The following CUX2 variants were observed in gnomAD, a reference collection of about 807,000 sequenced individuals.
CUX2 encodes homeobox protein cut-like 2.
Under a neutral mutation model 144.8 loss-of-function variants are expected in CUX2, and 40 were observed. The observed-to-expected ratio is 0.28, with a 90% CI of 0.21 to 0.36. CUX2 has a LOEUF of 0.36. Among genes scored for constraint, CUX2 ranks in the 10% least tolerant of loss-of-function variants. The pLI is 1.00. For missense variants in CUX2, 1,615 were observed against 1,994.0 expected (o/e 0.81, Z 3.62); for synonymous variants, 827 against 875.6 (o/e 0.94, Z 0.98).
chr12:111,330,931 A>G (rs1478005764), intron 18 of CUX2, among the ~76,000 whole-genome samples: 3 of 151,044 alleles, frequency 2.0e-5, no homozygotes, highest in African/African-American at 4.9e-5. Context: ...AGACCCCAAA[A>G]GTCTAATAGA....
chr12:111,304,614 A>G lies in CUX2; in HGVS notation c.858+300A>G, dbSNP rs747130838. ...CCTTTGGAGGCCTCCCTTATCCCCAATTATCCAAGAATGCCAGGAACTTCC... is the reference window on the plus strand; with the variant it reads ...CCTTTGGAGGCCTCCCTTATCCCCAGTTATCCAAGAATGCCAGGAACTTCC... On this transcript the variant is annotated intron_variant, in intron 10 of 21. Transcript: ENST00000261726. This position sits in a 1 kb window ranked among gnomAD's most constrained non-coding sequence, Gnocchi z 4.7. Among the ~76,000 whole-genome samples, 3 of 152,116 alleles carry G rather than the reference A, an allele frequency of 2.0e-5. No individual in the cohort carries two copies. Among genetic ancestry groups the G allele is most frequent in the South Asian group, 2.1e-4 (1 of 4,826 alleles).
At chr12:111,073,606 C>G (rs1403190130) in intron 1 of CUX2, among the ~76,000 whole-genome samples, 1 of 152,076 alleles carries the variant, frequency 6.6e-6, no homozygotes, top group Admixed American at 6.5e-5. Context: ...GGATGCTTAG[C>G]AGCATCTCTG....
rs1870583036 is a variant in CUX2, at chr12:111,057,529, T to G, written c.63+23289T>G. ...AGGGCCTCAGGGTGACCAGGCCGAT[T>G]CCAACGTGGGGACCCAGACCTCCTT... On this transcript the variant is annotated intron_variant, in intron 1 of 21. Coordinates refer to ENST00000261726, the MANE Select transcript of CUX2 (RefSeq NM_015267.4). This position sits in a 1 kb window ranked among gnomAD's most constrained non-coding sequence, Gnocchi z 5.1. Among the ~76,000 whole-genome samples the G allele has an allele frequency of 6.6e-6, 1 of 152,070 alleles. No individual in the cohort carries two copies.
intron 18 of CUX2, among the ~76,000 whole-genome samples, chr12:111,328,179 C>A (rs1887906323): frequency 6.6e-6 from 1 of 152,162 alleles, no homozygotes; most frequent in Admixed American, 6.5e-5. Flanking sequence ...TCATAACCCA[C>A]TGGGCCTGGA....
intron 4 of CUX2, among the ~76,000 whole-genome samples, chr12:111,273,795 G>A (rs535371450): frequency 2.0e-5 from 3 of 152,200 alleles, no homozygotes; most frequent in East Asian, 1.9e-4. Flanking sequence ...TGACTTCTCC[G>A]AGCCTCAGTT....
chr12:111,166,029 T>G (rs1330888520), intron 1 of CUX2, among the ~76,000 whole-genome samples: 1 of 152,184 alleles, frequency 6.6e-6, no homozygotes, highest in Non-Finnish European at 1.5e-5. Flanking sequence ...TTGTTGTTGT[T>G]GTTTTTATAG....
intron 1 of CUX2, among the ~76,000 whole-genome samples, chr12:111,162,411 G>A (rs1877836006): frequency 6.6e-6 from 1 of 152,246 alleles, no homozygotes; most frequent in South Asian, 2.1e-4. Context: ...GCCTGTGCAT[G>A]GAGCCCTGGT....
At chr12:111,150,593 A>G (rs1876977123) in intron 1 of CUX2, among the ~76,000 whole-genome samples, 1 of 152,192 alleles carries the variant, frequency 6.6e-6, no homozygotes, top group African/African-American at 2.4e-5. Flanking sequence ...AGGGAAGGGA[A>G]TAAGGAGCCT....
intron 3 of CUX2, among the ~76,000 whole-genome samples, chr12:111,235,187 C>T (rs1882677302): frequency 1.3e-5 from 2 of 152,124 alleles, no homozygotes; most frequent in Non-Finnish European, 1.5e-5. Flanking sequence ...ATTTAGTGAG[C>T]AGTGCTGGGA....
chr12:111,315,343 C>T (rs1887135669), intron 16 of CUX2, among the ~76,000 whole-genome samples: 1 of 152,194 alleles, frequency 6.6e-6, no homozygotes, highest in Admixed American at 6.5e-5. Context: ...AAGTGTCCAG[C>T]AGTGGGGGAT....
intron 4 of CUX2, among the ~76,000 whole-genome samples, chr12:111,266,041 G>A (rs1884368551): frequency 6.6e-6 from 1 of 152,110 alleles, no homozygotes; most frequent in Non-Finnish European, 1.5e-5. Flanking sequence ...GGATAGTGTG[G>A]CCTCCAAAAT....
chr12:111,095,740 A>G (rs1252876627), intron 1 of CUX2, among the ~76,000 whole-genome samples: 1 of 152,142 alleles, frequency 6.6e-6, no homozygotes, highest in Admixed American at 6.5e-5. Context: ...TTAAAATTGT[A>G]TTGATCAATA....
At chr12:111,114,414 A>G (rs1874167866) in intron 1 of CUX2, among the ~76,000 whole-genome samples, 1 of 152,042 alleles carries the variant, frequency 6.6e-6, no homozygotes. Context: ...TTCTCTTCAT[A>G]TATTTTGCCC....
In CUX2 at chr12:111,037,791, T is replaced by C. The variant is rs1869534241; in HGVS notation, c.63+3551T>C. On this transcript the variant is annotated intron_variant, in intron 1 of 21. Transcript: ENST00000261726. The surrounding 1 kb of genome is among the most constrained non-coding windows in gnomAD (Gnocchi z 5.4). The stretch of plus-strand genomic sequence containing the variant: ...TCTGCTTAACTTTCTACTTTTTTTT[T>C]TTACCATGCTCTGGGTCCAGTCTCC... Among the ~76,000 whole-genome samples the C allele has an allele frequency of 6.6e-6, 1 of 152,214 alleles. No homozygotes were observed. The highest frequency in any genetic ancestry group is 6.5e-5 in the Admixed American group (1 of 15,288).
intron 3 of CUX2, among the ~76,000 whole-genome samples, chr12:111,222,984 G>T (rs955589207): frequency 5.3e-5 from 8 of 152,174 alleles, no homozygotes; most frequent in Non-Finnish European, 8.8e-5. Flanking sequence ...CCCAGTGATG[G>T]TCACAACCCA....
intron 1 of CUX2, among the ~76,000 whole-genome samples, chr12:111,113,372 A>G (rs746650623): frequency 1.3e-5 from 2 of 152,084 alleles, no homozygotes; most frequent in African/African-American, 2.4e-5. Flanking sequence ...CAATCAGAAT[A>G]TGGAACAGTT....
chr12:111,063,621 C>A (rs917207230), intron 1 of CUX2, among the ~76,000 whole-genome samples: 18 of 152,358 alleles, frequency 1.2e-4, no homozygotes, highest in Admixed American at 1.2e-3. Context: ...CCAGCAGGGC[C>A]TGCCTTGGGG....
chr12:111,221,991 C>G (rs1358485461), intron 3 of CUX2, among the ~76,000 whole-genome samples: 1 of 152,162 alleles, frequency 6.6e-6, no homozygotes, highest in Non-Finnish European at 1.5e-5. Context: ...TTTGAATATC[C>G]TTGCGTACAG....
intron 1 of CUX2, among the ~76,000 whole-genome samples, chr12:111,155,998 A>G (rs1335215039): frequency 1.3e-5 from 2 of 152,190 alleles, no homozygotes; most frequent in African/African-American, 4.8e-5. Context: ...TGGCTTTTCC[A>G]GCTGGACTGC....
Sources: allele counts gnomAD v4.1 joint callset (sites outside exome capture counted in the v4.1 genomes callset), GRCh38; gene constraint gnomAD v4.1.1; non-coding constraint Gnocchi (gnomAD v3.1); transcripts MANE v1.5; gene names NCBI Gene and HGNC (gene_info 2026-07-23, HGNC 2026-07-21).